The following MGAT4C variants were observed in gnomAD, a reference collection of about 807,000 sequenced individuals.
MGAT4C encodes the protein MGAT4 family member C.
Under a neutral mutation model 40.1 loss-of-function variants are expected in MGAT4C, and 19 were observed. That is an observed-to-expected ratio of 0.47 (90% CI 0.33 to 0.70). The LOEUF (loss-of-function observed/expected upper bound fraction) is 0.70, where lower values mean the gene tolerates loss of function less well. MGAT4C is among the 30% of genes least tolerant of loss of function. The pLI, the probability that MGAT4C is intolerant of heterozygous loss-of-function variation, is 0.02. For synonymous variants in MGAT4C, 181 were observed against 187.1 expected (o/e 0.97, Z 0.27); for missense variants, 491 against 563.2 (o/e 0.87, Z 1.30).
At chr12:86,833,462 G>C (rs35620813) in intron 1 of MGAT4C, among the ~76,000 whole-genome samples, 2 of 151,776 alleles carry the variant, frequency 1.3e-5, no homozygotes, top group African/African-American at 4.8e-5. Context: ...CTGAAATGAA[G>C]GTGTCAGCAG....
At chr12:86,630,743 G>A (rs140298676) in intron 2 of MGAT4C, among the ~76,000 whole-genome samples, 3,756 of 152,188 alleles carry the variant, frequency 0.025, 88 homozygotes, top group South Asian at 0.065. Context: ...GGTATTGATG[G>A]ATTGTATCTC....
intron 1 of MGAT4C, among the ~76,000 whole-genome samples, chr12:86,789,456 A>G (rs1182368312): frequency 6.6e-6 from 1 of 152,142 alleles, no homozygotes; most frequent in Non-Finnish European, 1.5e-5. Flanking sequence ...CATGTAAACA[A>G]TATTTACAGT....
intron 2 of MGAT4C, among the ~76,000 whole-genome samples, chr12:86,525,514 C>G (rs1958865738): frequency 6.6e-6 from 1 of 152,204 alleles, no homozygotes; most frequent in Non-Finnish European, 1.5e-5. Context: ...AAAAGATATT[C>G]TGACTTTCTG....
At chr12:86,620,918 CTGTGAT>C (rs1565887770) in intron 2 of MGAT4C, among the ~76,000 whole-genome samples, 1 of 152,092 alleles carries the variant, frequency 6.6e-6, no homozygotes, top group African/African-American at 2.4e-5. Flanking sequence ...TCGGCTTCTA[CTGTGAT>C]TGTAAGTTTC....
intron 2 of MGAT4C, among the ~76,000 whole-genome samples, chr12:86,585,435 A>T (rs1960975614): frequency 6.6e-6 from 1 of 151,544 alleles, no homozygotes; most frequent in African/African-American, 2.4e-5. Context: ...AAATGAATTT[A>T]AATTTTACAA....
At position 86,604,751 on chromosome 12, in the gene MGAT4C, A is replaced by G. The variant is rs533126056; in HGVS notation, c.-229+122458T>C. Among the ~76,000 whole-genome samples the G allele has an allele frequency of 1.8e-4, 27 of 152,280 alleles. 1 individual carries two copies. Among genetic ancestry groups the G allele is most frequent in the Non-Finnish European group, 3.5e-4 (24 of 68,000 alleles). ...AATGGAAATTTAATGCCTTGTCTATATTATATACTGAAGAACAAAAGAAAC... is the reference window on the plus strand; with the variant it reads ...AATGGAAATTTAATGCCTTGTCTATGTTATATACTGAAGAACAAAAGAAAC... On this transcript the variant is annotated intron_variant, in intron 2 of 7. Transcript: ENST00000548651.
chr12:86,355,116 G>A (rs1335420162), intron 3 of MGAT4C, among the ~76,000 whole-genome samples: 1 of 152,068 alleles, frequency 6.6e-6, no homozygotes, highest in Non-Finnish European at 1.5e-5. Context: ...ACTGATTGGT[G>A]CATTTTACAA....
chr12:86,112,922 T>G (rs1441910439), intron 1 of MGAT4C, among the ~76,000 whole-genome samples: 1 of 151,768 alleles, frequency 6.6e-6, no homozygotes, highest in African/African-American at 2.4e-5. Context: ...TGGAAGCCAG[T>G]GAAATTCTAG....
At position 86,832,254 on chromosome 12, in the gene MGAT4C, A is replaced by C. The variant is rs541984763; in HGVS notation, c.-262+6412T>G. On this transcript the variant is annotated intron_variant, in intron 1 of 7. Transcript: ENST00000548651. ...TCAAGTCTACTCCCTGTGTATTAGA[A>C]TATTTATAACTATTTGTCAGTTTGG... is the stretch of plus-strand genomic sequence containing the variant. Among the ~76,000 whole-genome samples the C allele has an allele frequency of 4.3e-4, 65 of 151,946 alleles. 1 individual carries two copies. The highest frequency in any genetic ancestry group is 1.3e-3 in the Admixed American group (20 of 15,198).
At chr12:86,422,972 A>T (rs1313286864) in intron 3 of MGAT4C, among the ~76,000 whole-genome samples, 2 of 152,118 alleles carry the variant, frequency 1.3e-5, no homozygotes, top group African/African-American at 2.4e-5. Context: ...TGTATAGTGG[A>T]GGAAGAAAGA....
rs182910943 is a variant in MGAT4C at position 85,963,759 on chromosome 12, G to A, written c.*15530C>T. ...GAAGTCTTGTTGTAACGTGTAAATG[G>A]GGTGGGTGATGGGAGAGAGAAAACA... is the stretch of plus-strand genomic sequence containing the variant. On this transcript the variant is annotated 3_prime_UTR_variant, in exon 5 of 5. Coordinates refer to ENST00000611864, the MANE Select transcript of MGAT4C (RefSeq NM_001351288.2). The A allele has an allele frequency of 2.2e-4, 34 of 151,986 alleles. No individual in the cohort carries two copies. The highest frequency in any genetic ancestry group is 8.2e-4 in the African/African-American group (34 of 41,488). 9.4% of individuals were successfully genotyped at this position (151,986 alleles called of 1,614,324 possible). A position where few individuals can be genotyped will look rare whatever the true frequency, so the allele number is the denominator to read the frequency against.
At chr12:86,180,899 G>C (rs1441302204) in intron 1 of MGAT4C, among the ~76,000 whole-genome samples, 1 of 152,156 alleles carries the variant, frequency 6.6e-6, no homozygotes, top group African/African-American at 2.4e-5. Flanking sequence ...AGGCATGATT[G>C]ATTTTCAAAT....
chr12:86,390,664 T>C (rs1475052955), intron 3 of MGAT4C, among the ~76,000 whole-genome samples: 1 of 152,128 alleles, frequency 6.6e-6, no homozygotes, highest in Non-Finnish European at 1.5e-5. Flanking sequence ...AAAATTTGAA[T>C]CACAAACAAA....
chr12:86,094,876 T>C (rs907925974), intron 1 of MGAT4C, among the ~76,000 whole-genome samples: 1 of 152,098 alleles, frequency 6.6e-6, no homozygotes. Context: ...AGTTATAGAT[T>C]AAAGGATTAC....
At chr12:86,552,781 A>G (rs1959429698) in intron 2 of MGAT4C, among the ~76,000 whole-genome samples, 1 of 152,174 alleles carries the variant, frequency 6.6e-6, no homozygotes, top group Non-Finnish European at 1.5e-5. Context: ...TTCTGAGGGT[A>G]GCTCAGTAAC....
intron 2 of MGAT4C, among the ~76,000 whole-genome samples, chr12:86,626,853 C>A (rs1962822062): frequency 6.6e-6 from 1 of 152,190 alleles, no homozygotes; most frequent in South Asian, 2.1e-4. Flanking sequence ...CCTGGTTCAA[C>A]TCATTAGGAC....
intron 2 of MGAT4C, among the ~76,000 whole-genome samples, chr12:86,653,904 C>A (rs1049007569): frequency 6.6e-6 from 1 of 151,078 alleles, no homozygotes; most frequent in Non-Finnish European, 1.5e-5. Context: ...CAAAGTTTTT[C>A]TTATTAGAAA....
chr12:86,384,192 T>C (rs1217962108), intron 3 of MGAT4C, among the ~76,000 whole-genome samples: 2 of 152,190 alleles, frequency 1.3e-5, no homozygotes, highest in Non-Finnish European at 2.9e-5. Flanking sequence ...AATTGCCCAG[T>C]CTCAGGTATG....
chr12:86,835,412 T>C (rs1324116496), intron 1 of MGAT4C, among the ~76,000 whole-genome samples: 1 of 152,008 alleles, frequency 6.6e-6, no homozygotes, highest in Non-Finnish European at 1.5e-5. Flanking sequence ...AAGGTCTTCA[T>C]ATATTTGCTT....
Sources: allele counts gnomAD v4.1 joint callset (sites outside exome capture counted in the v4.1 genomes callset), GRCh38; gene constraint gnomAD v4.1.1; transcripts MANE v1.5; gene names NCBI Gene and HGNC (gene_info 2026-07-23, HGNC 2026-07-21).